Variants in PRRC2B observed in about 807,000 individuals in gnomAD.
PRRC2B encodes proline rich coiled-coil 2B, also known as protein PRRC2B.
PRRC2B carries 68 observed loss-of-function variants against 242.3 expected under a neutral mutation model. The ratio of observed to expected loss-of-function variants is 0.28; its 90% CI spans 0.23 to 0.34. PRRC2B has a LOEUF of 0.34. Among genes scored for constraint, PRRC2B ranks in the 10% least tolerant of loss-of-function variants. The probability of loss-of-function intolerance (pLI) is 1.00; values close to 1 mark genes in which losing one functional copy is unlikely to be tolerated. For synonymous variants in PRRC2B, 1,228 were observed against 1,173.6 expected (o/e 1.05, Z -0.95); for missense variants, 2,835 against 2,954.8 (o/e 0.96, Z 0.94).
intron 19 of PRRC2B, 69 bp from the exon 20 acceptor site, chr9:131,481,657 T>TA (rs1173611688): frequency 1.6e-6 from 2 of 1,273,090 alleles, no homozygotes; most frequent in East Asian, 5.1e-5. Flanking sequence ...TGCTTGTTCT[T>TA]TAAGAGCTCA....
chr9:131,469,935 G>A (rs1308757754), intron 13 of PRRC2B, among the ~76,000 whole-genome samples: 2 of 152,210 alleles, frequency 1.3e-5, no homozygotes, highest in South Asian at 2.1e-4. Context: ...ATCAGCTGCT[G>A]TGAGTGCAAC....
chr9:131,477,356 G>T (rs1369217295), intron 16 of PRRC2B, among the ~76,000 whole-genome samples: 1 of 152,246 alleles, frequency 6.6e-6, no homozygotes, highest in African/African-American at 2.4e-5. Flanking sequence ...CCAGGCGCCA[G>T]AGGCTGACCC....
At chr9:131,492,344 C>G in intron 30 of PRRC2B, 84 bp downstream of exon 30, 2 of 1,086,554 alleles carry the variant, frequency 1.8e-6, no homozygotes, top group Non-Finnish European at 2.8e-6. Context: ...GAATCTGGGC[C>G]CAGGGAGAGC....
At chr9:131,479,731 T>A (rs1156287805) in intron 19 of PRRC2B, among the ~76,000 whole-genome samples, 1 of 152,124 alleles carries the variant, frequency 6.6e-6, no homozygotes, top group African/African-American at 2.4e-5. Flanking sequence ...TCCCACTAAC[T>A]TATGGAAGAG....
intron 13 of PRRC2B, 143 bp downstream of exon 13, chr9:131,467,896 T>A: frequency 2.5e-6 from 2 of 788,798 alleles, no homozygotes; most frequent in South Asian, 3.8e-5. Context: ...AGTGGGGACG[T>A]CAGGAGTTGT....
At chr9:131,376,225 G>A (rs1190147720) in intron 1 of PRRC2B, among the ~76,000 whole-genome samples, 3 of 148,928 alleles carry the variant, frequency 2.0e-5, no homozygotes, top group Non-Finnish European at 4.5e-5. Context: ...ATGGTGGCGC[G>A]CGTCTGTAAT....
chr9:131,495,275 T>C (rs1040398032), intron 31 of PRRC2B, among the ~76,000 whole-genome samples: 1 of 151,632 alleles, frequency 6.6e-6, no homozygotes, highest in African/African-American at 2.4e-5. Context: ...GGGGGTTGGC[T>C]GAATCGCGGC....
chr9:131,388,764 G>A lies in PRRC2B; in HGVS notation c.-56+15033G>A, dbSNP rs917768735. Among the ~76,000 whole-genome samples the A allele has an allele frequency of 2.0e-5, 3 of 149,368 alleles. 1 individual carries two copies. Among genetic ancestry groups the A allele is most frequent in the African/African-American group, 2.4e-5 (1 of 40,916 alleles). On this transcript the variant is annotated intron_variant, in intron 1 of 1. Coordinates refer to the PRRC2B transcript ENST00000682525. ...TCACCATGTTGGCCAGGATGGTCTC[G>A]ATCTCTTGACCTCGTGATCCGCCCT...
chr9:131,420,497 T>TTTCGTTCGTTCGTTCGTTC (rs1837801640), intron 1 of PRRC2B, among the ~76,000 whole-genome samples: 9 of 16,464 alleles, frequency 5.5e-4, no homozygotes, highest in Admixed American at 4.3e-3. Flanking sequence ...TTCTTTCTTT[T>TTTCGTTCGTTCGTTCGTTC]TTTTTTTTTT....
upstream of PRRC2B, among the ~76,000 whole-genome samples, chr9:131,389,431 A>C (rs1275086752): frequency 6.6e-6 from 1 of 150,642 alleles, no homozygotes; most frequent in Non-Finnish European, 1.5e-5. Context: ...TGCTAGGATC[A>C]CATGCATGAG....
At chr9:131,410,081 GTTCATC>G in intron 1 of PRRC2B, among the ~76,000 whole-genome samples, 1 of 152,288 alleles carries the variant, frequency 6.6e-6, no homozygotes, top group South Asian at 2.1e-4. Flanking sequence ...CTGTCCAACT[GTTCATC>G]ACTCACCATA....
chr9:131,427,685 C>CA (rs1304525897), intron 1 of PRRC2B, among the ~76,000 whole-genome samples: 1 of 152,082 alleles, frequency 6.6e-6, no homozygotes, highest in Non-Finnish European at 1.5e-5. Flanking sequence ...TTGCCCCCCA[C>CA]CACATCGCAT....
chr9:131,457,989 A>G (rs1480863053), intron 10 of PRRC2B, among the ~76,000 whole-genome samples: 1 of 152,100 alleles, frequency 6.6e-6, no homozygotes, highest in African/African-American at 2.4e-5. Flanking sequence ...TCTGATCTGC[A>G]GTATTACCGG....
chr9:131,482,945 C>A lies in PRRC2B; in HGVS notation c.5373+38C>A, dbSNP rs368617315. 32 of 1,565,170 alleles carry A rather than the reference C, an allele frequency of 2.0e-5. No individual in the cohort carries two copies. The African/African-American group carries it at 3.3e-4, about 16-fold the overall frequency. ...TTTGTTTTCTTGCTTGCTTTTTTTACTTTTTATTTTGGTACTTGGAGAGGC... is the reference window on the plus strand; with the variant it reads ...TTTGTTTTCTTGCTTGCTTTTTTTAATTTTTATTTTGGTACTTGGAGAGGC... On this transcript the variant is annotated intron_variant, in intron 22 of 31. Transcript: ENST00000683519. This position sits in a 1 kb window ranked among gnomAD's most constrained non-coding sequence, Gnocchi z 5.2.
Position 131,475,139 on chromosome 9 carries a change from G to A in PRRC2B, c.3010G>A (p.Glu1004Lys). 6.2e-7 allele frequency: 1 copy of A among 1,612,962 alleles called. No homozygotes were observed. The highest frequency in any genetic ancestry group is 8.5e-7 in the Non-Finnish European group (1 of 1,179,472). The change falls in exon 16 of 32, where the codon GAG (glutamate) becomes AAG (lysine). Residue 1004 changes from glutamate (E) to lysine (K), a missense_variant. Transcript: ENST00000683519. ...SLANSSTTTL[E>K]DKGPGHATFG... ...GGCCAACTCCTCCACCACCACTTTG[G>A]AGGACAAAGGCCCTGGCCATGCCAC...
At chr9:131,409,223 T>C (rs1050350688) in intron 1 of PRRC2B, among the ~76,000 whole-genome samples, 7 of 152,296 alleles carry the variant, frequency 4.6e-5, no homozygotes, top group Middle Eastern at 3.4e-3. Context: ...GGTTTCTCCA[T>C]GTTGGTCAGG....
At chr9:131,425,193 C>T (rs1219373849) in intron 1 of PRRC2B, among the ~76,000 whole-genome samples, 1 of 152,030 alleles carries the variant, frequency 6.6e-6, no homozygotes, top group African/African-American at 2.4e-5. Context: ...ACCATGTTGG[C>T]CAGGCTGGTC....
chr9:131,402,033 C>T (rs550852671), intron 1 of PRRC2B, among the ~76,000 whole-genome samples: 3 of 152,058 alleles, frequency 2.0e-5, no homozygotes, highest in Non-Finnish European at 2.9e-5. Context: ...TGCAATGGCA[C>T]GATCTCGGCT....
chr9:131,418,277 GC>G (rs952894991), intron 1 of PRRC2B, among the ~76,000 whole-genome samples: 1 of 152,224 alleles, frequency 6.6e-6, no homozygotes, highest in African/African-American at 2.4e-5. Context: ...TTGGCCCCTG[GC>G]CCCCTCTTCC....
Sources: allele counts gnomAD v4.1 joint callset (sites outside exome capture counted in the v4.1 genomes callset), GRCh38; gene constraint gnomAD v4.1.1; non-coding constraint Gnocchi (gnomAD v3.1); transcripts MANE v1.5; gene names NCBI Gene and HGNC (gene_info 2026-07-23, HGNC 2026-07-21).